Variants in SLC22A24 observed in about 807,000 individuals in gnomAD.
SLC22A24 encodes the protein steroid transmembrane transporter SLC22A24.
In SLC22A24, 53 loss-of-function variants were observed where a neutral mutation model predicts 49.8. That is an observed-to-expected ratio of 1.06 (90% confidence interval 0.85 to 1.34). The LOEUF (loss-of-function observed/expected upper bound fraction) is 1.34, where lower values mean the gene tolerates loss of function less well. Among genes scored for constraint, SLC22A24 ranks in the 40% most tolerant of loss-of-function variants. SLC22A24 has a pLI of 0.00. For synonymous variants in SLC22A24, 302 were observed against 256.4 expected (o/e 1.18, Z -1.70); for missense variants, 786 against 675.9 (o/e 1.16, Z -1.81).
chr11:63,136,416 TC>T (rs1202804281), intron 1 of SLC22A24, among the ~76,000 whole-genome samples: 1 of 152,146 alleles, frequency 6.6e-6, no homozygotes, highest in Non-Finnish European at 1.5e-5. Context: ...AGGGCCCAAT[TC>T]TTCTCCATGA....
chr11:63,113,249 CAT>C (rs1555048958), intron 4 of SLC22A24, among the ~76,000 whole-genome samples: 1 of 137,566 alleles, frequency 7.3e-6, no homozygotes, highest in Non-Finnish European at 1.5e-5. Context: ...TATATACACA[CAT>C]ACACACACAC....
At chr11:63,091,116 A>G (rs573417751) in intron 6 of SLC22A24, among the ~76,000 whole-genome samples, 2 of 152,336 alleles carry the variant, frequency 1.3e-5, no homozygotes, top group South Asian at 4.1e-4. Flanking sequence ...ATCAAAGAAT[A>G]CTATAAACAC....
intron 5 of SLC22A24, among the ~76,000 whole-genome samples, chr11:63,102,175 G>A (rs141127646): frequency 1.8e-4 from 28 of 152,108 alleles, no homozygotes; most frequent in African/African-American, 6.7e-4. Context: ...ATTATGCATT[G>A]TATGTTTGTA....
intron 2 of SLC22A24, among the ~76,000 whole-genome samples, chr11:63,126,399 C>T (rs2087291193): frequency 6.6e-6 from 1 of 152,100 alleles, no homozygotes; most frequent in African/African-American, 2.4e-5. Context: ...TTCCCAATAC[C>T]ATTCATTAAA....
At chr11:63,081,204 G>A in intron 8 of SLC22A24, 81 bp from the exon 9 acceptor site, 8 of 1,208,982 alleles carry the variant, frequency 6.6e-6, no homozygotes, top group Non-Finnish European at 9.4e-6. Context: ...TTCTTTATGG[G>A]GACCAGTACA....
At chr11:63,081,790 A>G in intron 7 of SLC22A24, 124 bp from the exon 8 acceptor site, 1 of 676,230 alleles carries the variant, frequency 1.5e-6, no homozygotes, top group South Asian at 1.7e-5. Context: ...AAACTGCAAC[A>G]TGCCAGAGAT....
At chr11:63,111,105 A>G (rs1021812131) in intron 4 of SLC22A24, among the ~76,000 whole-genome samples, 2 of 152,032 alleles carry the variant, frequency 1.3e-5, no homozygotes, top group African/African-American at 4.8e-5. Context: ...TATTGAGATA[A>G]TCATGTGGTT....
rs1056943930 is a variant in SLC22A24 at position 63,130,470 on chromosome 11, A to C, written c.506+4195T>G. Among the ~76,000 whole-genome samples the C allele has an allele frequency of 2.0e-5, 3 of 152,324 alleles. No individual in the cohort carries two copies. In the South Asian group the frequency reaches 6.2e-4, roughly 32 times the overall value. On this transcript the variant is annotated intron_variant, in intron 2 of 9. Transcript: ENST00000612278. ...TGTGTCTCTGTCAGGCTTTGCTATCATGATGATGCTGGTCTCATAAAATGA... is the reference window on the plus strand; with the variant it reads ...TGTGTCTCTGTCAGGCTTTGCTATCCTGATGATGCTGGTCTCATAAAATGA...
intron 6 of SLC22A24, among the ~76,000 whole-genome samples, chr11:63,084,355 G>A (rs2086975754): frequency 6.6e-6 from 1 of 152,126 alleles, no homozygotes; most frequent in Non-Finnish European, 1.5e-5. Flanking sequence ...CTCGCAGGTT[G>A]TATAGGCTCT....
intron 5 of SLC22A24, among the ~76,000 whole-genome samples, chr11:63,098,594 T>C (rs2087069860): frequency 1.3e-5 from 2 of 151,780 alleles, no homozygotes; most frequent in Admixed American, 1.3e-4. Context: ...ACCTGGGAGC[T>C]GAAGGTTGCA....
chr11:63,120,199 G>A (rs1431246408), intron 2 of SLC22A24, among the ~76,000 whole-genome samples: 5 of 150,604 alleles, frequency 3.3e-5, no homozygotes, highest in Admixed American at 6.6e-5. Context: ...CCTTGCCCAT[G>A]CCTATGTCCT....
intron 6 of SLC22A24, among the ~76,000 whole-genome samples, chr11:63,086,493 T>C (rs1376880871): frequency 6.6e-6 from 1 of 152,134 alleles, no homozygotes; most frequent in African/African-American, 2.4e-5. Flanking sequence ...ATTGAGTACA[T>C]ATGGACACAG....
intron 6 of SLC22A24, among the ~76,000 whole-genome samples, chr11:63,089,920 AAAT>A (rs1347552309): frequency 6.6e-6 from 1 of 151,832 alleles, no homozygotes; most frequent in Admixed American, 6.6e-5. Flanking sequence ...TCTCTACTAA[AAAT>A]ACAAAAAATT....
At chr11:63,080,276 A>G (rs888491300) in intron 9 of SLC22A24, among the ~76,000 whole-genome samples, 28 of 152,244 alleles carry the variant, frequency 1.8e-4, no homozygotes, top group African/African-American at 6.7e-4. Context: ...GAGAATTGAA[A>G]ATTTTAAAGC....
intron 4 of SLC22A24, among the ~76,000 whole-genome samples, chr11:63,116,701 G>A (rs1460883879): frequency 6.6e-6 from 1 of 151,840 alleles, no homozygotes; most frequent in African/African-American, 2.4e-5. Context: ...CTCAGCCCTC[G>A]CCTTCTGGGA....
chr11:63,126,635 T>G (rs1316105023), intron 2 of SLC22A24, among the ~76,000 whole-genome samples: 1 of 152,206 alleles, frequency 6.6e-6, no homozygotes, highest in East Asian at 1.9e-4. Flanking sequence ...TTTTCTTAGC[T>G]ATGTGGGGTC....
At chr11:63,080,739 G>T (rs746244146) in intron 9 of SLC22A24, among the ~76,000 whole-genome samples, 181 bp downstream of exon 9, 2 of 152,170 alleles carry the variant, frequency 1.3e-5, no homozygotes, top group Non-Finnish European at 2.9e-5. Context: ...TCAAGAGTCT[G>T]ACTCCATTGT....
chr11:63,081,589 G>A lies in SLC22A24; in HGVS notation c.1363C>T (p.His455Tyr). 6.4e-7 allele frequency: 1 copy of A among 1,551,458 alleles called. No individual in the cohort carries two copies. Among genetic ancestry groups the A allele is most frequent in the Non-Finnish European group, 8.7e-7 (1 of 1,146,800 alleles). ...ATGGTGGGGACGAGCTCGTTGTGGTGGACAGAAGCACTGTTGCTAGCAGCA... is the reference window on the plus strand; with the variant it reads ...ATGGTGGGGACGAGCTCGTTGTGGTAGACAGAAGCACTGTTGCTAGCAGCA... ...VSAASNSASV[H>Y]HNELVPTILR... The change falls in exon 8 of 10, where the codon CAC (histidine) becomes TAC (tyrosine). Residue 455 changes from histidine to tyrosine, a missense_variant. His to Tyr is a moderately conservative substitution (Grantham distance 83). Coordinates refer to ENST00000612278, the MANE Select transcript of SLC22A24 (RefSeq NM_001136506.2).
intron 1 of SLC22A24, among the ~76,000 whole-genome samples, chr11:63,135,777 A>G (rs1438963468): frequency 6.6e-6 from 1 of 152,220 alleles, no homozygotes; most frequent in Admixed American, 6.5e-5. Context: ...AGTGGAGACA[A>G]CTTGCAACAT....
Sources: gnomAD v4.1 joint callset for allele counts (sites outside exome capture counted in the v4.1 genomes callset) on GRCh38, gnomAD v4.1.1 for gene constraint, MANE v1.5 for transcripts, NCBI Gene and HGNC (gene_info 2026-07-23, HGNC 2026-07-21) for gene names.